Variants in ADGRL3 observed in about 807,000 individuals in gnomAD.
ADGRL3 encodes the protein calcium-independent alpha-latrotoxin receptor 3.
A neutral mutation model predicts 153.5 loss-of-function variants in ADGRL3; 62 were observed. That is an observed-to-expected ratio of 0.40 (90% CI 0.33 to 0.50). ADGRL3 has a LOEUF of 0.50. ADGRL3 is among the 20% of genes least tolerant of loss of function. The pLI is 0.47. For missense variants in ADGRL3, 1,641 were observed against 1,859.4 expected, an observed-to-expected ratio of 0.88 and a Z score of 2.16; for synonymous variants, 710 against 672.5, an observed-to-expected ratio of 1.06 and a Z score of -0.86.
At chr4:61,233,895 T>C (rs189050464) in intron 1 of ADGRL3, among the ~76,000 whole-genome samples, 69 of 152,260 alleles carry the variant, frequency 4.5e-4, no homozygotes, top group Admixed American at 2.1e-3. Context: ...AAATTAAAGA[T>C]TGACAATAAA....
intron 5 of ADGRL3, among the ~76,000 whole-genome samples, chr4:61,623,751 A>G (rs976597091): frequency 7.2e-5 from 11 of 152,078 alleles, no homozygotes; most frequent in Non-Finnish European, 1.6e-4. Context: ...TAACCCTAAG[A>G]AGTATATTAT....
At chr4:61,299,622 G>T (rs928234426) in intron 1 of ADGRL3, among the ~76,000 whole-genome samples, 1 of 152,012 alleles carries the variant, frequency 6.6e-6, no homozygotes, top group African/African-American at 2.4e-5. Context: ...AGCAAATGTG[G>T]GGCTTTATAT....
chr4:62,007,406 ACACG>A (rs1209593724), intron 21 of ADGRL3, among the ~76,000 whole-genome samples: 2 of 114,536 alleles, frequency 1.7e-5, no homozygotes, highest in Non-Finnish European at 3.7e-5. Context: ...ATATATATAT[ACACG>A]TATATATATA....
intron 1 of ADGRL3, among the ~76,000 whole-genome samples, chr4:61,240,867 T>C (rs1355586020): frequency 6.6e-6 from 1 of 152,090 alleles, no homozygotes; most frequent in Non-Finnish European, 1.5e-5. Flanking sequence ...ACATAGGACA[T>C]GCTTGATAAA....
At chr4:61,625,058 G>C (rs149666129) in intron 5 of ADGRL3, among the ~76,000 whole-genome samples, 2 of 152,008 alleles carry the variant, frequency 1.3e-5, no homozygotes, top group African/African-American at 4.8e-5. Context: ...AAAAAGAGCT[G>C]CAAATGTAGA....
chr4:61,929,432 G>A (rs535522775), intron 13 of ADGRL3, among the ~76,000 whole-genome samples: 1 of 152,318 alleles, frequency 6.6e-6, no homozygotes, highest in Admixed American at 6.5e-5. Flanking sequence ...TCTCTGAAGT[G>A]AGACTAATTC....
intron 21 of ADGRL3, among the ~76,000 whole-genome samples, chr4:62,003,099 G>C (rs892301868): frequency 6.6e-6 from 1 of 152,038 alleles, no homozygotes; most frequent in Non-Finnish European, 1.5e-5. Flanking sequence ...TGAAATAATG[G>C]CCATTTTAAG....
chr4:61,767,143 G>A (rs1409209249), intron 8 of ADGRL3, among the ~76,000 whole-genome samples: 2 of 152,000 alleles, frequency 1.3e-5, no homozygotes, highest in African/African-American at 4.8e-5. Context: ...ATACTTGTGG[G>A]TTAAGGTTGG....
rs1230956055 is a variant in ADGRL3 at position 62,006,003 on chromosome 4, C to CACACATATAT, written c.3395+7739_3395+7740insCACATATATA. On this transcript the variant is annotated intron_variant, in intron 21 of 26. Transcript: ENST00000683033. ...ACACACACACACACACACACACACACATATATATATATATATATATATATA... is the reference window on the plus strand; with the variant it reads ...ACACACACACACACACACACACACACACACATATATATATATATATATATATATATATATA... 1.2e-4 allele frequency among the ~76,000 whole-genome samples: 6 copies of CACACATATAT among 48,988 alleles called. No homozygotes were observed. In the East Asian group the frequency reaches 5.4e-3, roughly 44 times the overall value. The allele number at this position is 48,988 out of a possible 152,430, so 32.1% of individuals were successfully genotyped here.
chr4:61,532,524 T>A (rs192131687), intron 4 of ADGRL3, among the ~76,000 whole-genome samples: 1 of 142,548 alleles, frequency 7.0e-6, no homozygotes, highest in African/African-American at 2.6e-5. Context: ...TTCTGCAGGA[T>A]GCTGCATGCG....
rs2151954810 is a variant in ADGRL3 at position 62,076,810 on chromosome 4, T to A, written c.*5902T>A. The A allele has an allele frequency of 6.6e-6, 1 of 151,986 alleles. No individual in the cohort carries two copies. Among genetic ancestry groups the A allele is most frequent in the Non-Finnish European group, 1.5e-5 (1 of 67,832 alleles). 9.4% of individuals were successfully genotyped at this position (151,986 alleles called of 1,614,324 possible). A position where few individuals can be genotyped will look rare whatever the true frequency, so the allele number is the denominator to read the frequency against. ...TTCACTCTCTAATCTGCTGGCTCTA[T>A]TGAACACCAACAGAGTTAATGCTTT... is the stretch of plus-strand genomic sequence containing the variant. On this transcript the variant is annotated 3_prime_UTR_variant, in exon 27 of 27. Transcript: ENST00000683033.
intron 2 of ADGRL3, among the ~76,000 whole-genome samples, chr4:61,489,157 A>G (rs1034362073): frequency 6.6e-6 from 1 of 151,998 alleles, no homozygotes; most frequent in Non-Finnish European, 1.5e-5. Context: ...CTGGTAAAAT[A>G]AGTATTAAAT....
intron 9 of ADGRL3, among the ~76,000 whole-genome samples, chr4:61,823,670 C>A (rs2097775170): frequency 2.6e-5 from 4 of 152,028 alleles, no homozygotes; most frequent in Admixed American, 2.6e-4. Context: ...GCCTTGGAGC[C>A]AGGATTCAAA....
At chr4:61,906,752 A>G (rs2098697763) in intron 11 of ADGRL3, among the ~76,000 whole-genome samples, 1 of 151,924 alleles carries the variant, frequency 6.6e-6, no homozygotes, top group Non-Finnish European at 1.5e-5. Flanking sequence ...AGGCTTTCCT[A>G]CATACATGAG....
chr4:61,706,942 C>T (rs1484976909), intron 6 of ADGRL3, among the ~76,000 whole-genome samples: 3 of 152,148 alleles, frequency 2.0e-5, no homozygotes, highest in African/African-American at 7.2e-5. Flanking sequence ...CATTACTAAA[C>T]TTAATCATTC....
At chr4:61,846,468 G>A (rs990773761) in intron 9 of ADGRL3, among the ~76,000 whole-genome samples, 2 of 151,956 alleles carry the variant, frequency 1.3e-5, no homozygotes, top group Non-Finnish European at 2.9e-5. Flanking sequence ...CAGCCATCTA[G>A]CCTTCTGTTA....
rs111977612 is a variant in ADGRL3 at position 61,978,333 on chromosome 4, CT to C, written c.2806-1225del. Among the ~76,000 whole-genome samples, 238 of 40,002 alleles carry C rather than the reference CT, an allele frequency of 5.9e-3. 1 individual carries two copies. The highest frequency in any genetic ancestry group is 0.015 in the African/African-American group (226 of 15,232). The allele number at this position is 40,002 out of a possible 152,430, so 26.2% of individuals were successfully genotyped here. A position where few individuals can be genotyped will look rare whatever the true frequency, so the allele number is the denominator to read the frequency against. On this transcript the variant is annotated intron_variant, in intron 17 of 26. Transcript: ENST00000683033. ...AGTGTGTAGATCCTTTTGATGCTTG[CT>C]TTTTAAAAAAAAAATATTAGATTTT...
At chr4:61,387,828 A>T (rs1286143295) in intron 2 of ADGRL3, among the ~76,000 whole-genome samples, 1 of 152,148 alleles carries the variant, frequency 6.6e-6, no homozygotes, top group Non-Finnish European at 1.5e-5. Context: ...GGATTAAGAG[A>T]TTAAAGTAAA....
chr4:61,328,467 G>T (rs2095506824), intron 1 of ADGRL3, among the ~76,000 whole-genome samples: 1 of 152,036 alleles, frequency 6.6e-6, no homozygotes, highest in African/African-American at 2.4e-5. Context: ...AAAGGAAAAG[G>T]CAGAAACACA....
Sources: allele counts gnomAD v4.1 joint callset (sites outside exome capture counted in the v4.1 genomes callset), GRCh38; gene constraint gnomAD v4.1.1; transcripts MANE v1.5; gene names NCBI Gene and HGNC (gene_info 2026-07-23, HGNC 2026-07-21).